Variants in GSG1L observed in about 807,000 individuals in gnomAD.
GSG1L encodes the protein GSG1 like.
Under a neutral mutation model 42.1 loss-of-function variants are expected in GSG1L, and 24 were observed. That is an observed-to-expected ratio of 0.57 (90% CI 0.41 to 0.80). The LOEUF is 0.80. Among genes scored for constraint, GSG1L ranks in the 30% least tolerant of loss-of-function variants. GSG1L has a pLI of 0.00. For synonymous variants in GSG1L, 215 were observed against 203.5 expected (o/e 1.06, Z -0.48); for missense variants, 445 against 472.2 (o/e 0.94, Z 0.53).
At chr16:27,889,628 C>T (rs1047044083) in intron 2 of GSG1L, among the ~76,000 whole-genome samples, 1 of 152,156 alleles carries the variant, frequency 6.6e-6, no homozygotes, top group Non-Finnish European at 1.5e-5. Flanking sequence ...GCATGACTGA[C>T]CAGCAGGGTC....
In GSG1L at chr16:27,992,363, C is replaced by T. The variant is rs779393495; in HGVS notation, c.350-29160G>A. On this transcript the variant is annotated intron_variant, in intron 1 of 6. Transcript: ENST00000447459. ...ACAAAAAACTAGCCAGGTGTGGTGG[C>T]GTGTGTCTGTAATCCCAGTTACTAG... 4.6e-5 allele frequency among the ~76,000 whole-genome samples: 7 copies of T among 152,014 alleles called. No homozygotes were observed. The East Asian group carries it at 5.8e-4, about 13-fold the overall frequency.
At chr16:27,856,226 C>A (rs966681655) in intron 3 of GSG1L, among the ~76,000 whole-genome samples, 6 of 152,178 alleles carry the variant, frequency 3.9e-5, no homozygotes, top group African/African-American at 1.4e-4. Context: ...GCCAAATATC[C>A]TTGTGGTGGG....
chr16:28,006,369 T>G (rs1596693870), intron 1 of GSG1L, among the ~76,000 whole-genome samples: 1 of 151,964 alleles, frequency 6.6e-6, no homozygotes, highest in Non-Finnish European at 1.5e-5. Flanking sequence ...AGTGCAGAGG[T>G]GTGATCTCGG....
At chr16:28,036,471 C>G (rs2086038494) in intron 1 of GSG1L, among the ~76,000 whole-genome samples, 1 of 150,262 alleles carries the variant, frequency 6.7e-6, no homozygotes, top group Non-Finnish European at 1.5e-5. Context: ...CCCCCCTGGT[C>G]TGGGGGACAA....
intron 1 of GSG1L, among the ~76,000 whole-genome samples, chr16:27,968,063 G>A (rs2085154633): frequency 1.3e-5 from 2 of 152,256 alleles, no homozygotes; most frequent in African/African-American, 4.8e-5. Context: ...ACATTAAAAT[G>A]TTGGTGGGCC....
intron 2 of GSG1L, among the ~76,000 whole-genome samples, chr16:27,897,569 G>T (rs991425807): frequency 1.5e-4 from 23 of 151,992 alleles, no homozygotes; most frequent in African/African-American, 5.6e-4. Flanking sequence ...CAAAGTTTTG[G>T]GATTACAGGC....
At position 28,040,463 on chromosome 16, in the gene GSG1L, C is replaced by T. The variant is rs1025494362; in HGVS notation, c.349+22613G>A. On this transcript the variant is annotated intron_variant, in intron 1 of 6. Coordinates refer to ENST00000447459, the MANE Select transcript of GSG1L (RefSeq NM_001109763.2). This position sits in a 1 kb window ranked among gnomAD's most constrained non-coding sequence, Gnocchi z 4.1. ...CCACATACTCCCCCAGAATTAATTA[C>T]GAATTCGGAAGAGTAGAGACCCCAT... Among the ~76,000 whole-genome samples, 1 of 152,220 alleles carries T rather than the reference C, an allele frequency of 6.6e-6. No individual in the cohort carries two copies. Among genetic ancestry groups the T allele is most frequent in the African/African-American group, 2.4e-5 (1 of 41,540 alleles).
At chr16:27,944,043 G>A (rs191139869) in intron 2 of GSG1L, among the ~76,000 whole-genome samples, 10 of 152,276 alleles carry the variant, frequency 6.6e-5, no homozygotes, top group Admixed American at 6.5e-4. Flanking sequence ...GTTAGAAAGT[G>A]AAGCAAGGCA....
At chr16:27,963,776 G>C (rs1224975725) in intron 1 of GSG1L, among the ~76,000 whole-genome samples, 1 of 152,106 alleles carries the variant, frequency 6.6e-6, no homozygotes, top group Non-Finnish European at 1.5e-5. Context: ...TGCACATGCT[G>C]TTCCCCGCCT....
chr16:28,033,314 C>G (rs1385322987), intron 1 of GSG1L, among the ~76,000 whole-genome samples: 1 of 152,202 alleles, frequency 6.6e-6, no homozygotes, highest in Non-Finnish European at 1.5e-5. Context: ...CAGAGTAGAA[C>G]AGTGGATAGA....
At chr16:27,860,697 C>G (rs2083638200) in intron 3 of GSG1L, among the ~76,000 whole-genome samples, 1 of 152,190 alleles carries the variant, frequency 6.6e-6, no homozygotes, top group Admixed American at 6.5e-5. Flanking sequence ...TTAGACTCCC[C>G]AGCCATCTGC....
chr16:27,804,288 C>T (rs1047069616), intron 6 of GSG1L, among the ~76,000 whole-genome samples: 2 of 152,172 alleles, frequency 1.3e-5, no homozygotes, highest in Non-Finnish European at 2.9e-5. Context: ...ACCCTGGTCT[C>T]CTGGCTATTC....
chr16:27,888,207 G>A, intron 2 of GSG1L: 3 of 825,954 alleles, frequency 3.6e-6, no homozygotes, highest in South Asian at 1.1e-4. Flanking sequence ...CCCTGCCCAC[G>A]TGGGCCCCGG....
intron 2 of GSG1L, 67 bp downstream of exon 2, chr16:27,963,089 C>T: frequency 7.2e-7 from 1 of 1,380,366 alleles, no homozygotes; most frequent in Non-Finnish European, 1.0e-6. Context: ...TTTGGGGAGC[C>T]ACCAAGGTAG....
At chr16:27,870,129 C>T (rs2083797484) in intron 3 of GSG1L, among the ~76,000 whole-genome samples, 1 of 149,372 alleles carries the variant, frequency 6.7e-6, no homozygotes, top group Admixed American at 6.6e-5. Context: ...CTCTGTCTGT[C>T]TCTGTGTCTC....
intron 1 of GSG1L, among the ~76,000 whole-genome samples, chr16:28,035,568 T>C (rs1298716082): frequency 1.3e-5 from 2 of 152,158 alleles, no homozygotes; most frequent in Non-Finnish European, 2.9e-5. Flanking sequence ...TAATAAAATA[T>C]CGGGAAGCAC....
chr16:27,915,976 C>T (rs2084450858), intron 2 of GSG1L, among the ~76,000 whole-genome samples: 1 of 152,164 alleles, frequency 6.6e-6, no homozygotes, highest in Non-Finnish European at 1.5e-5. Flanking sequence ...GTCCCCTTTG[C>T]AGTGATACAT....
At chr16:27,814,140 C>T (rs529673871) in intron 5 of GSG1L, among the ~76,000 whole-genome samples, 2 of 152,294 alleles carry the variant, frequency 1.3e-5, no homozygotes, top group East Asian at 3.9e-4. Context: ...GAGCCAAAAT[C>T]TCACTCTGTC....
chr16:27,836,179 C>T (rs925820264), intron 4 of GSG1L, among the ~76,000 whole-genome samples: 12 of 152,082 alleles, frequency 7.9e-5, no homozygotes, highest in African/African-American at 2.9e-4. Flanking sequence ...AATGTTGTGC[C>T]ACTTCCTTCT....
Sources: gnomAD v4.1 joint callset for allele counts (sites outside exome capture counted in the v4.1 genomes callset) on GRCh38, gnomAD v4.1.1 for gene constraint, Gnocchi (gnomAD v3.1) non-coding constraint, MANE v1.5 for transcripts, NCBI Gene and HGNC (gene_info 2026-07-23, HGNC 2026-07-21) for gene names.